CRAMP1: variants seen among roughly 807,000 people sequenced by gnomAD.
CRAMP1 encodes the protein cramped chromatin regulator 1.
CRAMP1 carries 50 observed loss-of-function variants against 115.4 expected under a neutral mutation model. That is an observed-to-expected ratio of 0.43 (90% CI 0.35 to 0.55). The LOEUF (loss-of-function observed/expected upper bound fraction) is 0.55, where lower values mean the gene tolerates loss of function less well. CRAMP1 is among the 20% of genes least tolerant of loss of function. The probability of loss-of-function intolerance (pLI) is 0.01; values close to 1 mark genes in which losing one functional copy is unlikely to be tolerated. For synonymous variants in CRAMP1, 866 were observed against 745.4 expected, an observed-to-expected ratio of 1.16 and a Z score of -2.64; for missense variants, 1,679 against 1,721.7, an observed-to-expected ratio of 0.98 and a Z score of 0.44.
intron 3 of CRAMP1, among the ~76,000 whole-genome samples, chr16:1,626,520 G>A (rs1196595821): frequency 2.6e-5 from 4 of 151,768 alleles, no homozygotes; most frequent in East Asian, 3.9e-4. Flanking sequence ...TGATTTAGGC[G>A]GGATGGCCTC....
chr16:1,623,812 C>T (rs1042567781), intron 2 of CRAMP1, among the ~76,000 whole-genome samples: 1 of 152,222 alleles, frequency 6.6e-6, no homozygotes, highest in African/African-American at 2.4e-5. Flanking sequence ...TCTGGGGAAC[C>T]ACCTGGTTGA....
At chr16:1,673,229 T>A (rs2036937069) in intron 20 of CRAMP1, among the ~76,000 whole-genome samples, 1 of 147,330 alleles carries the variant, frequency 6.8e-6, no homozygotes, top group Non-Finnish European at 1.5e-5. Flanking sequence ...TGTCCTCATG[T>A]CTGTGATGGG....
intron 10 of CRAMP1, among the ~76,000 whole-genome samples, chr16:1,658,522 A>G (rs945324526): frequency 3.9e-5 from 6 of 152,022 alleles, no homozygotes; most frequent in Non-Finnish European, 2.9e-5. Context: ...CCTGGGAGCT[A>G]GTTAGGGAGG....
intron 9 of CRAMP1, 62 bp downstream of exon 9, chr16:1,655,362 AC>A: frequency 7.7e-7 from 1 of 1,305,784 alleles, no homozygotes; most frequent in Non-Finnish European, 1.1e-6. Context: ...CCAGAGATGG[AC>A]CACGCCTCCC....
At chr16:1,637,199 C>T (rs938004438) in intron 4 of CRAMP1, among the ~76,000 whole-genome samples, 18 of 151,910 alleles carry the variant, frequency 1.2e-4, no homozygotes, top group African/African-American at 4.4e-4. Context: ...GAGGCTGAGG[C>T]AGGAGAATCT....
At position 1,638,053 on chromosome 16, in the gene CRAMP1, C is replaced by G. The variant is rs915144030; in HGVS notation, c.778+146C>G. On this transcript the variant is annotated intron_variant, in intron 5 of 20. Transcript: ENST00000397412. ...AAGAGGTGAAGAATATGATGGCGGCCGTGCTCTTTAGCTTAGATGGACCTG... is the reference window on the plus strand; with the variant it reads ...AAGAGGTGAAGAATATGATGGCGGCGGTGCTCTTTAGCTTAGATGGACCTG... 23 of 464,738 alleles carry G rather than the reference C, an allele frequency of 4.9e-5. No homozygotes were observed. In the Admixed American group the frequency reaches 8.7e-4, roughly 18 times the overall value. 28.8% of individuals were successfully genotyped at this position (464,738 alleles called of 1,614,324 possible).
intron 2 of CRAMP1, among the ~76,000 whole-genome samples, chr16:1,615,770 T>C (rs1456943425): frequency 6.6e-6 from 1 of 152,230 alleles, no homozygotes; most frequent in African/African-American, 2.4e-5. Context: ...CTTACGCAGG[T>C]GAATGACTCT....
rs746287041 is a variant in CRAMP1 at position 1,662,680 on chromosome 16, G to A, written c.2595+9G>A. ...ATCTGAACTCCATCAGTGTGAGTGTGTGGGGCCGGGCCGCCCGCGTGCGAG... is the reference window on the plus strand; with the variant it reads ...ATCTGAACTCCATCAGTGTGAGTGTATGGGGCCGGGCCGCCCGCGTGCGAG... On this transcript the variant is annotated intron_variant, in intron 12 of 20. Coordinates refer to ENST00000397412, the MANE Select transcript of CRAMP1 (RefSeq NM_020825.4). 2 of 1,613,966 alleles carry A rather than the reference G, an allele frequency of 1.2e-6. No individual in the cohort carries two copies. The highest frequency in any genetic ancestry group is 1.7e-6 in the Non-Finnish European group (2 of 1,179,874).
At chr16:1,615,023 C>T (rs2036405876) in intron 2 of CRAMP1, 38 bp downstream of exon 2, 2 of 1,168,750 alleles carry the variant, frequency 1.7e-6, no homozygotes, top group African/African-American at 1.6e-5. Context: ...CCCAGCCCCT[C>T]TCCGGGGTGT....
At position 1,669,532 on chromosome 16, in the gene CRAMP1, C is replaced by G. The variant is rs1225523118; in HGVS notation, c.3499+367C>G. 6.6e-6 allele frequency among the ~76,000 whole-genome samples: 1 copy of G among 152,192 alleles called. No homozygotes were observed. The highest frequency in any genetic ancestry group is 1.5e-5 in the Non-Finnish European group (1 of 68,030). On this transcript the variant is annotated intron_variant, in intron 19 of 20. Coordinates refer to ENST00000397412, the MANE Select transcript of CRAMP1 (RefSeq NM_020825.4). This position sits in a 1 kb window ranked among gnomAD's most constrained non-coding sequence, Gnocchi z 4.6. ...TGAGGGGAGAAAAGGAAACTGGTGT[C>G]TTGGCACTCTCTTGGCTCTTCTCTT...
At position 1,616,087 on chromosome 16, in the gene CRAMP1, G is replaced by A. The variant is rs141873487; in HGVS notation, c.346+1102G>A. Among the ~76,000 whole-genome samples the A allele has an allele frequency of 1.1e-4, 17 of 152,330 alleles. No homozygotes were observed. The East Asian group carries it at 3.3e-3, about 29-fold the overall frequency. ...TCATTGGTAAAGAATTCTGATATAA[G>A]TATACTTATTTAAAGATGTAAATAG... On this transcript the variant is annotated intron_variant, in intron 2 of 20. Coordinates refer to ENST00000397412, the MANE Select transcript of CRAMP1 (RefSeq NM_020825.4).
At chr16:1,617,369 C>T (rs970637172) in intron 2 of CRAMP1, among the ~76,000 whole-genome samples, 2 of 152,202 alleles carry the variant, frequency 1.3e-5, no homozygotes, top group African/African-American at 2.4e-5. Context: ...TCTGCTCAGT[C>T]GTTGCTTCCA....
At position 1,666,750 on chromosome 16, in the gene CRAMP1, T is replaced by A; in HGVS notation, c.3036+150T>A. On this transcript the variant is annotated intron_variant, in intron 16 of 20. Coordinates refer to ENST00000397412, the MANE Select transcript of CRAMP1 (RefSeq NM_020825.4). This position sits in a 1 kb window ranked among gnomAD's most constrained non-coding sequence, Gnocchi z 5.0. The stretch of plus-strand genomic sequence containing the variant: ...TGCCATGGCATAAGCAAACTCTGTG[T>A]AGTACAGAGCAGGAGAGGCCTCCGG... 1 of 723,984 alleles carries A rather than the reference T, an allele frequency of 1.4e-6. No individual in the cohort carries two copies. The allele number at this position is 723,984 out of a possible 1,614,324, so 44.8% of individuals were successfully genotyped here. A position where few individuals can be genotyped will look rare whatever the true frequency, so the allele number is the denominator to read the frequency against.
At chr16:1,648,604 CAAA>C (rs1006289902) in intron 6 of CRAMP1, among the ~76,000 whole-genome samples, 8 of 108,360 alleles carry the variant, frequency 7.4e-5, no homozygotes, top group Non-Finnish European at 7.8e-5. Context: ...GACTCTGTCT[CAAA>C]AAAAAAAAAA....
intron 2 of CRAMP1, among the ~76,000 whole-genome samples, chr16:1,618,650 C>T (rs569403933): frequency 4.6e-5 from 7 of 152,272 alleles, no homozygotes; most frequent in South Asian, 2.1e-4. Context: ...AATCGGTAAA[C>T]GACTGTGCAC....
chr16:1,670,653 T>A lies in CRAMP1; in HGVS notation c.3500-11T>A. On this transcript the variant is annotated splice_polypyrimidine_tract_variant and intron_variant, in intron 19 of 20. Coordinates refer to ENST00000397412, the MANE Select transcript of CRAMP1 (RefSeq NM_020825.4). ...GGTTCAGGGTGTTTTCCTCTGGCCTTTTCTCCGCAGCAAGCTTCATCTCCC... is the reference window on the plus strand; with the variant it reads ...GGTTCAGGGTGTTTTCCTCTGGCCTATTCTCCGCAGCAAGCTTCATCTCCC... 1 of 1,613,820 alleles carries A rather than the reference T, an allele frequency of 6.2e-7. No individual in the cohort carries two copies. Among genetic ancestry groups the A allele is most frequent in the Non-Finnish European group, 8.5e-7 (1 of 1,179,774 alleles).
In CRAMP1 at chr16:1,626,044, C is replaced by T. The variant is rs1178329467; in HGVS notation, c.418C>T (p.Arg140Cys). 6 of 1,551,576 alleles carry T rather than the reference C, an allele frequency of 3.9e-6. No homozygotes were observed. The Admixed American group carries it at 5.9e-5, about 15-fold the overall frequency. ...CCCTGCTGCCCCTGCAGGGGGCTCGCGCTCCTCCTCCCGGAACTTAGGGTC... is the reference window on the plus strand; with the variant it reads ...CCCTGCTGCCCCTGCAGGGGGCTCGTGCTCCTCCTCCCGGAACTTAGGGTC... ...VAPAAPAGGS[R>C]SSSRNLGSSG... Residue 140 changes from arginine (R) to cysteine (C), a missense_variant, in exon 3 of 21, where the codon CGC becomes TGC. By Grantham distance (180) the Arg-to-Cys change is radical. Coordinates refer to ENST00000397412, the MANE Select transcript of CRAMP1 (RefSeq NM_020825.4).
In CRAMP1 at chr16:1,656,241, C is replaced by T. The variant is rs373720836; in HGVS notation, c.1484C>T (p.Pro495Leu). ...GGAGAGAGTTCCCCCGAAAGCGCCC[C>T]CGGGGAGGGGGCTGCCCTAAGCTTG... Reference protein sequence around the residue: ...SSGESSPESAPGEGAALSLSS... With the variant: ...SSGESSPESALGEGAALSLSS... Residue 495 changes from proline to leucine, a missense_variant, in exon 10 of 21, where the codon CCC becomes CTC. By Grantham distance (98) the Pro-to-Leu change is moderately conservative (BLOSUM62 -3). Around this residue, in one of 8 missense-constraint regions of CRAMP1, gnomAD observed 405 missense variants for 302.6 expected, o/e 1.34. Transcript: ENST00000397412. This position sits in a 1 kb window ranked among gnomAD's most constrained non-coding sequence, Gnocchi z 5.6. The T allele has an allele frequency of 5.6e-6, 9 of 1,609,358 alleles. No individual in the cohort carries two copies. In the African/African-American group the frequency reaches 6.7e-5, roughly 12 times the overall value.
At chr16:1,661,244 C>A (rs2036826558) in intron 11 of CRAMP1, among the ~76,000 whole-genome samples, 1 of 152,186 alleles carries the variant, frequency 6.6e-6, no homozygotes. Flanking sequence ...ATCACTTGAA[C>A]CCAGGAGTTC....
Sources: allele counts gnomAD v4.1 joint callset (sites outside exome capture counted in the v4.1 genomes callset), GRCh38; gene constraint gnomAD v4.1.1; regional missense constraint gnomAD v4.1.1; non-coding constraint Gnocchi (gnomAD v3.1); transcripts MANE v1.5; gene names NCBI Gene and HGNC (gene_info 2026-07-23, HGNC 2026-07-21).